Variants in UGT2A1 observed in about 807,000 individuals in gnomAD.
UGT2A1 encodes UDP glucuronosyltransferase family 2 member A1 complex locus, also known as UDP-glucuronosyltransferase 2A1.
A neutral mutation model predicts 45.4 loss-of-function variants in UGT2A1; 61 were observed. The observed-to-expected ratio is 1.34, with a 90% CI of 1.09 to 1.66. The LOEUF is 1.66. Among genes scored for constraint, UGT2A1 ranks in the 40% most tolerant of loss-of-function variants. UGT2A1 has a pLI of 0.00. For missense variants in UGT2A1, 649 were observed against 574.3 expected, an observed-to-expected ratio of 1.13 and a Z score of -1.33; for synonymous variants, 229 against 196.2, an observed-to-expected ratio of 1.17 and a Z score of -1.40.
intron 6 of UGT2A1, among the ~76,000 whole-genome samples, chr4:69,590,638 AGTGTGT>A (rs4148321): frequency 2.0e-5 from 3 of 150,204 alleles, no homozygotes; most frequent in Admixed American, 6.7e-5. Flanking sequence ...ACATGTGTTG[AGTGTGT>A]GTGTGTGTGT....
In UGT2A1 at chr4:69,628,691, T is replaced by C. The variant is rs80052018; in HGVS notation, c.847+7000A>G. On this transcript the variant is annotated intron_variant, in intron 3 of 6. Transcript: ENST00000286604. ...CATAAGCTTAAATGGGAGAAAAAAA[T>C]AAAAGCATTTTCTTTAAAAGCAAAT... 8.4e-4 allele frequency among the ~76,000 whole-genome samples: 125 copies of C among 148,962 alleles called. 2 individuals carry two copies. The East Asian group carries it at 0.02, about 24-fold the overall frequency.
intron 1 of UGT2A1, among the ~76,000 whole-genome samples, chr4:69,649,322 T>C (rs1298465874): frequency 6.6e-6 from 1 of 152,072 alleles, no homozygotes; most frequent in Non-Finnish European, 1.5e-5. Context: ...CTGCAGAAGA[T>C]GTTATGGTGT....
At chr4:69,618,187 A>ATGTG (rs72430246) in intron 3 of UGT2A1, among the ~76,000 whole-genome samples, 6,093 of 144,392 alleles carry the variant, frequency 0.042, 204 homozygotes, top group East Asian at 0.052. Flanking sequence ...GCCAGTAAGC[A>ATGTG]TGTGTGTGTG....
intron 3 of UGT2A1, among the ~76,000 whole-genome samples, chr4:69,634,968 G>T (rs1429050584): frequency 6.6e-6 from 1 of 151,972 alleles, no homozygotes; most frequent in African/African-American, 2.4e-5. Flanking sequence ...TTAGTTCTAA[G>T]AATCCATCTA....
intron 3 of UGT2A1, among the ~76,000 whole-genome samples, chr4:69,617,427 T>A (rs1477033484): frequency 6.6e-6 from 1 of 151,956 alleles, no homozygotes; most frequent in East Asian, 1.9e-4. Context: ...TATATGTTTA[T>A]AACATGTAAG....
At chr4:69,627,162 T>G (rs928369472) in intron 3 of UGT2A1, among the ~76,000 whole-genome samples, 2 of 151,946 alleles carry the variant, frequency 1.3e-5, no homozygotes, top group African/African-American at 4.8e-5. Flanking sequence ...TATCTATTTC[T>G]AAATAATTTT....
chr4:69,597,951 C>T (rs969753245), intron 4 of UGT2A1, among the ~76,000 whole-genome samples: 14 of 152,064 alleles, frequency 9.2e-5, no homozygotes, highest in African/African-American at 4.8e-5. Flanking sequence ...TATTGTAAAA[C>T]ATGGCTGATT....
chr4:69,651,932 C>G (rs548441427), intron 1 of UGT2A1, among the ~76,000 whole-genome samples: 3 of 152,140 alleles, frequency 2.0e-5, no homozygotes, highest in Non-Finnish European at 4.4e-5. Context: ...GGAAAAGAGG[C>G]GAGCCTATAA....
chr4:69,639,535 G>T (rs1401494747), intron 2 of UGT2A1: 2 of 1,613,004 alleles, frequency 1.2e-6, no homozygotes, highest in African/African-American at 1.3e-5. Context: ...CCATCTGTAG[G>T]CCAAATTAAC....
chr4:69,616,700 T>C (rs1224059218), intron 3 of UGT2A1, among the ~76,000 whole-genome samples: 1 of 151,892 alleles, frequency 6.6e-6, no homozygotes, highest in African/African-American at 2.4e-5. Context: ...GGATTTGCGA[T>C]AGTTCATTTA....
At chr4:69,591,708 T>C (rs1718607190) in intron 6 of UGT2A1, among the ~76,000 whole-genome samples, 4 of 152,148 alleles carry the variant, frequency 2.6e-5, no homozygotes, top group Admixed American at 2.6e-4. Context: ...AAGCTTAGAA[T>C]TTTTATTTTT....
At chr4:69,608,995 AG>A (rs1293086603) in intron 3 of UGT2A1, among the ~76,000 whole-genome samples, 2 of 152,152 alleles carry the variant, frequency 1.3e-5, no homozygotes, top group African/African-American at 2.4e-5. Flanking sequence ...AGGAACATAA[AG>A]AAAAATTATA....
Position 69,627,271 on chromosome 4 carries a change from T to TA in UGT2A1, c.847+8419dup, listed in dbSNP as rs933335367. Among the ~76,000 whole-genome samples the TA allele has an allele frequency of 4.0e-5, 6 of 151,736 alleles. No homozygotes were observed. The Middle Eastern group carries it at 0.01, about 260-fold the overall frequency. ...TGTTTTGGAATTACTCAGAGATTTA[T>TA]AAAAAAAATCAAATCCACTGCTTAT... On this transcript the variant is annotated intron_variant, in intron 3 of 6. Transcript: ENST00000286604.
rs900704027 is a variant in UGT2A1 at position 69,602,190 on chromosome 4, G to A, written c.848-2796C>T. Among the ~76,000 whole-genome samples, 32 of 126,430 alleles carry A rather than the reference G, an allele frequency of 2.5e-4. 9 individuals are homozygous for A. The highest frequency in any genetic ancestry group is 8.5e-4 in the African/African-American group (26 of 30,708). The allele number at this position is 126,430 out of a possible 152,430, so 82.9% of individuals were successfully genotyped here. On this transcript the variant is annotated intron_variant, in intron 3 of 6. Coordinates refer to ENST00000286604, the MANE Select transcript of UGT2A1 (RefSeq NM_001252275.3). The stretch of plus-strand genomic sequence containing the variant: ...TCACCTTATTAGAAGGTAAAAAGAG[G>A]AAAATCCTATCATCTCAAGCAATAA...
intron 3 of UGT2A1, among the ~76,000 whole-genome samples, chr4:69,631,213 T>C (rs1721364119): frequency 1.3e-5 from 2 of 152,162 alleles, no homozygotes; most frequent in Non-Finnish European, 2.9e-5. Flanking sequence ...AAGATACCTA[T>C]ACTGTTTTAG....
chr4:69,653,179 G>T lies in UGT2A1; in HGVS notation c.-55+9C>A, dbSNP rs1362654076. 6.6e-6 allele frequency: 1 copy of T among 152,068 alleles called. No individual in the cohort carries two copies. Among genetic ancestry groups the T allele is most frequent in the Non-Finnish European group, 1.5e-5 (1 of 68,002 alleles). 9.4% of individuals were successfully genotyped at this position (152,068 alleles called of 1,614,324 possible). ...ATATTGATTATCATGAAGTTTTCTAGTTTCTTACCTGAAGTTTCCTGGAGG... is the reference window on the plus strand; with the variant it reads ...ATATTGATTATCATGAAGTTTTCTATTTTCTTACCTGAAGTTTCCTGGAGG... On this transcript the variant is annotated intron_variant, in intron 1 of 6. Coordinates refer to ENST00000286604, the MANE Select transcript of UGT2A1 (RefSeq NM_001252275.3).
At chr4:69,639,153 A>G in intron 2 of UGT2A1, 1 of 1,613,640 alleles carries the variant, frequency 6.2e-7, no homozygotes, top group Non-Finnish European at 8.5e-7. Context: ...ATCACCACAG[A>G]TTGTTACTGG....
chr4:69,635,656 C>A, intron 3 of UGT2A1, 35 bp downstream of exon 3: 1 of 224,348 alleles, frequency 4.5e-6, no homozygotes, highest in Non-Finnish European at 9.2e-6. Flanking sequence ...ATGGTGAAAC[C>A]TCGTCTCTAT....
At chr4:69,609,929 A>G (rs111510909) in intron 3 of UGT2A1, among the ~76,000 whole-genome samples, 1,931 of 152,312 alleles carry the variant, frequency 0.013, 40 homozygotes, top group African/African-American at 0.042. Flanking sequence ...AATGTTGAGC[A>G]TAAGTAGAAA....
Sources: gnomAD v4.1 joint callset for allele counts (sites outside exome capture counted in the v4.1 genomes callset) on GRCh38, gnomAD v4.1.1 for gene constraint, MANE v1.5 for transcripts, NCBI Gene and HGNC (gene_info 2026-07-23, HGNC 2026-07-21) for gene names.